PALB2: variants seen among roughly 807,000 people sequenced by gnomAD.
The protein encoded by PALB2 is partner and localizer of BRCA2.
A neutral mutation model predicts 107.4 loss-of-function variants in PALB2; 82 were observed. The ratio of observed to expected loss-of-function variants is 0.76; its 90% CI spans 0.64 to 0.92. The LOEUF (loss-of-function observed/expected upper bound fraction) is 0.92, where lower values mean the gene tolerates loss of function less well. Among genes scored for constraint, PALB2 ranks in the 40% least tolerant of loss-of-function variants. PALB2 has a pLI of 0.00. For missense variants in PALB2, 1,374 were observed against 1,379.9 expected (o/e 1.00, Z 0.07); for synonymous variants, 489 against 496.8 (o/e 0.98, Z 0.21).
chr16:23,605,154 T>C (rs1419446729), intron 12 of PALB2, among the ~76,000 whole-genome samples: 4 of 152,180 alleles, frequency 2.6e-5, no homozygotes, highest in African/African-American at 9.7e-5. Context: ...AAGAGTATTA[T>C]ATGAATGAAC....
At chr16:23,614,408 A>C (rs1422071098) in intron 10 of PALB2, among the ~76,000 whole-genome samples, 3 of 152,148 alleles carry the variant, frequency 2.0e-5, no homozygotes, top group African/African-American at 7.2e-5. Flanking sequence ...CAGTATCATG[A>C]TTTTGTGACA....
At chr16:23,612,958 G>C (rs1966614320) in intron 11 of PALB2, among the ~76,000 whole-genome samples, 1 of 151,020 alleles carries the variant, frequency 6.6e-6, no homozygotes, top group Non-Finnish European at 1.5e-5. Context: ...TCACCATATT[G>C]GTCAGGCTGG....
In PALB2 at chr16:23,636,042, T is replaced by C. The variant is rs754500464; in HGVS notation, c.504A>G (p.Ser168=). 1 of 1,614,102 alleles carries C rather than the reference T, an allele frequency of 6.2e-7. No homozygotes were observed. Among genetic ancestry groups the C allele is most frequent in the Non-Finnish European group, 8.5e-7 (1 of 1,180,022 alleles). ...TTAGTCTTTTCCCAGACAATCTGAGTGAATCAGTGCCAAAGACACAGTCTC... is the reference window on the plus strand; with the variant it reads ...TTAGTCTTTTCCCAGACAATCTGAGCGAATCAGTGCCAAAGACACAGTCTC... ...QERDCVFGTD[S]LRLSGKRLKE... is the part of the protein sequence containing the mutation. The change falls in exon 4 of 13, where the codon TCA becomes TCG. Residue 168 remains serine (S), a synonymous_variant. Coordinates refer to ENST00000261584, the MANE Select transcript of PALB2 (RefSeq NM_024675.4).
rs1966994380 is a variant in PALB2 at position 23,635,454 on chromosome 16, G to A, written c.1092C>T (p.Gly364=). The A allele has an allele frequency of 1.9e-6, 3 of 1,613,842 alleles. No individual in the cohort carries two copies. The highest frequency in any genetic ancestry group is 2.5e-6 in the Non-Finnish European group (3 of 1,179,944). The change falls in exon 4 of 13, where the codon GGC becomes GGT. Residue 364 remains glycine, a synonymous_variant. Coordinates refer to ENST00000261584, the MANE Select transcript of PALB2 (RefSeq NM_024675.4). ...SLKSPSDTLD[G]RNENLQESEI... is the part of the protein sequence containing the mutation. ...CACTTTCCTGAAGATTTTCATTCCT[G>A]CCATCAAGAGTGTCACTGGGAGATT...
chr16:23,614,645 C>CTTTTT (rs1050495053), intron 10 of PALB2, among the ~76,000 whole-genome samples: 138 of 107,148 alleles, frequency 1.3e-3, no homozygotes, highest in African/African-American at 1.4e-3. Context: ...CACTTCCCAG[C>CTTTTT]TTTTTTTTTT....
At position 23,623,973 on chromosome 16, in the gene PALB2, G is replaced by A. The variant is rs958410730; in HGVS notation, c.2834+36C>T. 2.8e-6 allele frequency: 4 copies of A among 1,427,700 alleles called. No homozygotes were observed. In the African/African-American group the frequency reaches 5.6e-5, roughly 20 times the overall value. The allele number at this position is 1,427,700 out of a possible 1,614,324, so 88.4% of individuals were successfully genotyped here. ...AAAACCAGCTGACAGAGACAAAGAT[G>A]AAGGAAAAACAAATCACTCCTTGGG... On this transcript the variant is annotated intron_variant, in intron 8 of 12. Coordinates refer to ENST00000261584, the MANE Select transcript of PALB2 (RefSeq NM_024675.4).
chr16:23,612,572 G>A (rs1238743763), intron 11 of PALB2, among the ~76,000 whole-genome samples: 1 of 147,678 alleles, frequency 6.8e-6, no homozygotes, highest in Non-Finnish European at 1.5e-5. Context: ...TGTTGCCCAG[G>A]CTGGAGTACA....
rs1060499819 is a variant in PALB2 at position 23,630,061 on chromosome 16, AG to A, written c.2092del (p.Leu698PhefsTer11). ...NSQSQHTKTG[L>X]SSSILLYTPL... ...AGTATAAAGTAATATGGATGAAGAA[AG>A]GCCCGTCTTTGTATGCTGGCTTTGC... On this transcript the variant is annotated frameshift_variant, in exon 5 of 13. Coordinates refer to ENST00000261584, the MANE Select transcript of PALB2 (RefSeq NM_024675.4). LOFTEE classifies it high-confidence loss of function. 6.2e-7 allele frequency: 1 copy of A among 1,614,064 alleles called. No homozygotes were observed. Among genetic ancestry groups the A allele is most frequent in the Non-Finnish European group, 8.5e-7 (1 of 1,180,048 alleles).
Position 23,603,483 on chromosome 16 carries a change from A to G in PALB2, c.3537T>C (p.Asn1179=), listed in dbSNP as rs1567204943. 2 of 1,613,790 alleles carry G rather than the reference A, an allele frequency of 1.2e-6. No homozygotes were observed. The highest frequency in any genetic ancestry group is 1.7e-6 in the Non-Finnish European group (2 of 1,179,684). Residue 1179 remains asparagine, a synonymous_variant, in exon 13 of 13, where the codon AAT becomes AAC. Coordinates refer to ENST00000261584, the MANE Select transcript of PALB2 (RefSeq NM_024675.4). The stretch of plus-strand genomic sequence containing the variant: ...CTTATGAATAGTGGTATACAAATAT[A>G]TTTCCATCTTTTTGTCCAGCCAGCA... ...SHLLAGQKDG[N]IFVYHYS is the part of the protein sequence containing the mutation.
In PALB2 at chr16:23,638,095, T is replaced by C. The variant is rs515726129; in HGVS notation, c.83A>G (p.Tyr28Cys). 1 of 1,614,088 alleles carries C rather than the reference T, an allele frequency of 6.2e-7. No individual in the cohort carries two copies. Among genetic ancestry groups the C allele is most frequent in the Non-Finnish European group, 8.5e-7 (1 of 1,179,950 alleles). ...CTGAAGGCGGGCTAGTGTCTTGCTGTATTCCCTTTTCAAGAATGCTAATTT... is the reference window on the plus strand; with the variant it reads ...CTGAAGGCGGGCTAGTGTCTTGCTGCATTCCCTTTTCAAGAATGCTAATTT... ...KEKLAFLKRE[Y>C]SKTLARLQRA... Residue 28 changes from tyrosine (Y) to cysteine (C), a missense_variant, in exon 2 of 13, where the codon TAC becomes TGC. Tyr to Cys is a radical substitution (Grantham distance 194). Transcript: ENST00000261584.
Position 23,629,007 on chromosome 16 carries a change from C to T in PALB2, c.2586+197G>A, listed in dbSNP as rs377483210. 1.3e-4 allele frequency among the ~76,000 whole-genome samples: 20 copies of T among 152,182 alleles called. 1 individual carries two copies. Among genetic ancestry groups the T allele is most frequent in the African/African-American group, 4.8e-4 (20 of 41,502 alleles). On this transcript the variant is annotated intron_variant, in intron 6 of 12. Coordinates refer to ENST00000261584, the MANE Select transcript of PALB2 (RefSeq NM_024675.4). ...TCTTGCCAATAGGTTGGCATAGAAA[C>T]TTTAAGAGGAGAGCTCAAAACATAA...
At chr16:23,626,175 C>T (rs1469054875) in intron 7 of PALB2, 61 bp downstream of exon 7, 25 of 1,599,372 alleles carry the variant, frequency 1.6e-5, no homozygotes, top group Non-Finnish European at 2.1e-5. Context: ...GGTAAGCTGC[C>T]CATCTACATT....
chr16:23,630,397 T>C lies in PALB2; in HGVS notation c.1757A>G (p.Asp586Gly), dbSNP rs1278558296. Reference sequence around the variant, plus strand: ...CCTATGAAATGGAGCCGTGAAAGCATCATCATCCAAGGATAAATAAGCACT... The same window carrying C: ...CCTATGAAATGGAGCCGTGAAAGCACCATCATCCAAGGATAAATAAGCACT... ...SNSAYLSLDD[D>G]AFTAPFHRDG... Residue 586 changes from aspartate to glycine, a missense_variant, in exon 5 of 13, where the codon GAT becomes GGT. Transcript: ENST00000261584. 1 of 1,613,990 alleles carries C rather than the reference T, an allele frequency of 6.2e-7. No homozygotes were observed. Among genetic ancestry groups the C allele is most frequent in the Non-Finnish European group, 8.5e-7 (1 of 1,180,006 alleles).
chr16:23,629,144 C>T, intron 6 of PALB2, 60 bp downstream of exon 6: 1 of 1,291,670 alleles, frequency 7.7e-7, no homozygotes, highest in Non-Finnish European at 1.1e-6. Context: ...GAATTCTTTT[C>T]AGTTCATTAA....
At chr16:23,614,840 C>T (rs1266724414) in intron 10 of PALB2, among the ~76,000 whole-genome samples, 3 of 150,944 alleles carry the variant, frequency 2.0e-5, no homozygotes, top group East Asian at 3.9e-4. Context: ...TTAGTAGAGA[C>T]GGGGTTTCAC....
intron 7 of PALB2, among the ~76,000 whole-genome samples, chr16:23,625,592 C>A (rs1429104022): frequency 6.6e-6 from 1 of 151,890 alleles, no homozygotes; most frequent in African/African-American, 2.4e-5. Context: ...GTCAGGAGTT[C>A]AAGAACAGCC....
intron 9 of PALB2, among the ~76,000 whole-genome samples, chr16:23,622,341 G>A (rs1966787440): frequency 6.6e-6 from 1 of 152,098 alleles, no homozygotes. Context: ...TGTGGAACGA[G>A]GAAAGGGTCT....
chr16:23,641,274 C>A lies in PALB2; in HGVS notation c.-117G>T. 1 of 1,361,692 alleles carries A rather than the reference C, an allele frequency of 7.3e-7. No individual in the cohort carries two copies. The highest frequency in any genetic ancestry group is 1.0e-6 in the Non-Finnish European group (1 of 981,500). 84.4% of individuals were successfully genotyped at this position (1,361,692 alleles called of 1,614,324 possible). On this transcript the variant is annotated 5_prime_UTR_variant, in exon 1 of 13. Coordinates refer to ENST00000261584, the MANE Select transcript of PALB2 (RefSeq NM_024675.4). ...CAGGAAGGAATGGGGAGCCCGGGATCGCACCCTCAGTGCGCGATCAGCTGA... is the reference window on the plus strand; with the variant it reads ...CAGGAAGGAATGGGGAGCCCGGGATAGCACCCTCAGTGCGCGATCAGCTGA...
In PALB2 at chr16:23,634,990, G is replaced by T. The variant is rs1340452845; in HGVS notation, c.1556C>A (p.Ala519Asp). ...GRRYTGKRKSACTPASDHCEP... is the reference protein window; with the variant it reads ...GRRYTGKRKSDCTPASDHCEP... ...ACAATGATCTGATGCTGGGGTGCAG[G>T]CTGATTTTCTTTTTCCTGTGTATCT... The change falls in exon 4 of 13, where the codon GCC becomes GAC. Residue 519 changes from alanine to aspartate, a missense_variant. By Grantham distance (126) the Ala-to-Asp change is moderately radical. Coordinates refer to ENST00000261584, the MANE Select transcript of PALB2 (RefSeq NM_024675.4). 3 of 1,614,182 alleles carry T rather than the reference G, an allele frequency of 1.9e-6. No homozygotes were observed. In the East Asian group the frequency reaches 6.7e-5, roughly 36 times the overall value.
Sources: gnomAD v4.1 joint callset for allele counts (sites outside exome capture counted in the v4.1 genomes callset) on GRCh38, gnomAD v4.1.1 for gene constraint, MANE v1.5 for transcripts, NCBI Gene and HGNC (gene_info 2026-07-23, HGNC 2026-07-21) for gene names.